The following ADAMTSL1 variants were observed in gnomAD, a reference collection of about 807,000 sequenced individuals.
ADAMTSL1 encodes the protein ADAMTS like 1.
Under a neutral mutation model 201.8 loss-of-function variants are expected in ADAMTSL1, and 126 were observed. The observed-to-expected ratio is 0.62, with a 90% confidence interval of 0.54 to 0.72. The LOEUF (loss-of-function observed/expected upper bound fraction) is 0.72, where lower values mean the gene tolerates loss of function less well. Among genes scored for constraint, ADAMTSL1 ranks in the 30% least tolerant of loss-of-function variants. The pLI is 0.00. For synonymous variants in ADAMTSL1, 1,121 were observed against 903.4 expected (o/e 1.24, Z -4.32); for missense variants, 2,679 against 2,277.8 (o/e 1.18, Z -3.59).
chr9:18,502,424 A>T (rs890795404), intron 1 of ADAMTSL1, among the ~76,000 whole-genome samples: 1 of 152,226 alleles, frequency 6.6e-6, no homozygotes, highest in Non-Finnish European at 1.5e-5. Flanking sequence ...TGCGGCAAAC[A>T]AAGAGTTAGA....
chr9:18,471,022 G>A (rs972695981), upstream of ADAMTSL1, among the ~76,000 whole-genome samples: 14 of 152,168 alleles, frequency 9.2e-5, no homozygotes, highest in African/African-American at 3.1e-4. Flanking sequence ...GCCGTAAGTG[G>A]CCTTTCCCCG....
intron 1 of ADAMTSL1, among the ~76,000 whole-genome samples, chr9:17,976,599 T>C (rs893345025): frequency 6.6e-6 from 1 of 151,996 alleles, no homozygotes; most frequent in Non-Finnish European, 1.5e-5. Context: ...TCTGCAACTT[T>C]ACTGAGTTCT....
At chr9:18,185,483 C>G (rs1260399185) in intron 2 of ADAMTSL1, among the ~76,000 whole-genome samples, 2 of 152,124 alleles carry the variant, frequency 1.3e-5, no homozygotes. Context: ...CCCACAGAAA[C>G]TGTGAATTTA....
At chr9:18,756,800 C>A (rs1819802203) in intron 16 of ADAMTSL1, among the ~76,000 whole-genome samples, 1 of 152,194 alleles carries the variant, frequency 6.6e-6, no homozygotes, top group Admixed American at 6.5e-5. Context: ...GGGAGAAACT[C>A]TCTCTCCTCT....
At chr9:18,324,505 C>T (rs1478122252) in intron 2 of ADAMTSL1, among the ~76,000 whole-genome samples, 1 of 151,606 alleles carries the variant, frequency 6.6e-6, no homozygotes, top group African/African-American at 2.4e-5. Context: ...TGGCTCATGC[C>T]TGTAATCCCA....
chr9:18,063,295 G>C (rs1822543188), intron 1 of ADAMTSL1, among the ~76,000 whole-genome samples: 1 of 152,220 alleles, frequency 6.6e-6, no homozygotes, highest in Non-Finnish European at 1.5e-5. Context: ...GTTGCAGTGA[G>C]CTATGCTCAT....
intron 1 of ADAMTSL1, among the ~76,000 whole-genome samples, chr9:17,968,869 C>T (rs1480230075): frequency 6.6e-6 from 1 of 152,040 alleles, no homozygotes; most frequent in East Asian, 1.9e-4. Context: ...ATCTAACTGC[C>T]TCAATGACAC....
chr9:18,779,887 A>T (rs1026119750), intron 19 of ADAMTSL1, among the ~76,000 whole-genome samples: 1 of 152,140 alleles, frequency 6.6e-6, no homozygotes, highest in Admixed American at 6.5e-5. Flanking sequence ...TTTTATTTCT[A>T]TCCCCTGGGC....
chr9:17,994,106 G>A (rs1420562218), intron 1 of ADAMTSL1, among the ~76,000 whole-genome samples: 1 of 151,818 alleles, frequency 6.6e-6, no homozygotes, highest in Non-Finnish European at 1.5e-5. Context: ...GTGTGTGTGT[G>A]TGTGTGTGTG....
chr9:18,622,161 T>C (rs1377995272), intron 4 of ADAMTSL1, 82 bp from the exon 5 acceptor site: 2 of 1,547,738 alleles, frequency 1.3e-6, no homozygotes, highest in East Asian at 2.3e-5. Flanking sequence ...GAAGGGAGGG[T>C]TATTTCATGG....
chr9:18,014,729 G>A (rs536045094), intron 1 of ADAMTSL1, among the ~76,000 whole-genome samples: 70 of 152,162 alleles, frequency 4.6e-4, no homozygotes, highest in Admixed American at 1.2e-3. Flanking sequence ...ATTGCAGGGA[G>A]GCCAAGGCAG....
At chr9:18,255,703 T>C (rs998073128) in intron 2 of ADAMTSL1, among the ~76,000 whole-genome samples, 1 of 152,214 alleles carries the variant, frequency 6.6e-6, no homozygotes, top group Non-Finnish European at 1.5e-5. Context: ...CTTTGTCTTT[T>C]CATATGCTGT....
chr9:18,490,843 G>A (rs1190926116), intron 1 of ADAMTSL1, among the ~76,000 whole-genome samples: 4 of 152,272 alleles, frequency 2.6e-5, no homozygotes, highest in African/African-American at 7.2e-5. Flanking sequence ...GCGGTGGGCA[G>A]AAGCCAGATT....
intron 1 of ADAMTSL1, among the ~76,000 whole-genome samples, chr9:18,138,124 G>T (rs185014707): frequency 1.3e-5 from 2 of 152,174 alleles, no homozygotes; most frequent in Admixed American, 6.5e-5. Flanking sequence ...CCTGAGACTC[G>T]TTTCCTCCTC....
intron 2 of ADAMTSL1, among the ~76,000 whole-genome samples, chr9:18,283,933 AG>A (rs1482687276): frequency 7.6e-6 from 1 of 132,398 alleles, no homozygotes; most frequent in African/African-American, 2.7e-5. Context: ...AAAAAAAAGA[AG>A]AAGAAGAAGA....
chr9:17,946,514 C>G (rs1198310953), intron 1 of ADAMTSL1, among the ~76,000 whole-genome samples: 1 of 151,990 alleles, frequency 6.6e-6, no homozygotes, highest in Non-Finnish European at 1.5e-5. Flanking sequence ...TCTTTATGAT[C>G]TTTTTTATGT....
chr9:18,389,122 C>G (rs979772396), intron 2 of ADAMTSL1, among the ~76,000 whole-genome samples: 3 of 151,838 alleles, frequency 2.0e-5, no homozygotes, highest in Non-Finnish European at 4.4e-5. Flanking sequence ...ATATTTCTAC[C>G]CTTTCTTAAA....
chr9:18,091,430 G>A (rs1329707639), intron 1 of ADAMTSL1, among the ~76,000 whole-genome samples: 1 of 152,000 alleles, frequency 6.6e-6, no homozygotes, highest in Non-Finnish European at 1.5e-5. Context: ...TTTCACCCTG[G>A]CCTCTGGCTG....
intron 1 of ADAMTSL1, among the ~76,000 whole-genome samples, chr9:18,493,359 CTT>C (rs1822360982): frequency 6.6e-6 from 1 of 152,148 alleles, no homozygotes; most frequent in Non-Finnish European, 1.5e-5. Flanking sequence ...TTCTTTACTT[CTT>C]TTTAATTGGT....
Sources: allele counts gnomAD v4.1 joint callset (sites outside exome capture counted in the v4.1 genomes callset), GRCh38; gene constraint gnomAD v4.1.1; transcripts MANE v1.5; gene names NCBI Gene and HGNC (gene_info 2026-07-23, HGNC 2026-07-21).